Variants in KASH5 observed in about 807,000 individuals in gnomAD.
KASH5 encodes the protein protein KASH5.
KASH5 carries 72 observed loss-of-function variants against 84.2 expected under a neutral mutation model. That is an observed-to-expected ratio of 0.85 (90% CI 0.71 to 1.04). The LOEUF (loss-of-function observed/expected upper bound fraction) is 1.04, where lower values mean the gene tolerates loss of function less well. Ranked by LOEUF, KASH5 falls within the 50% of genes least tolerant of loss-of-function variation. The pLI, the probability that KASH5 is intolerant of heterozygous loss-of-function variation, is 0.00. For synonymous variants in KASH5, 260 were observed against 279.1 expected (o/e 0.93, Z 0.68); for missense variants, 650 against 701.0 (o/e 0.93, Z 0.82).
chr19:49,390,934 G>A lies in KASH5; in HGVS notation c.43+8G>A, dbSNP rs752026362. On this transcript the variant is annotated splice_region_variant and intron_variant, in intron 2 of 19. Coordinates refer to ENST00000447857, the MANE Select transcript of KASH5 (RefSeq NM_144688.5). Reference sequence around the variant, plus strand: ...GTGGCCCCACTGCGGAAAGTAAGTGGCTGGAACCCTATTTGCCCCGGGGAG... The same window carrying A: ...GTGGCCCCACTGCGGAAAGTAAGTGACTGGAACCCTATTTGCCCCGGGGAG... 2 of 1,606,112 alleles carry A rather than the reference G, an allele frequency of 1.2e-6. No homozygotes were observed. The highest frequency in any genetic ancestry group is 2.2e-5 in the South Asian group (2 of 90,086).
intron 9 of KASH5, among the ~76,000 whole-genome samples, chr19:49,403,783 A>G (rs1044969420): frequency 6.6e-6 from 1 of 152,244 alleles, no homozygotes; most frequent in African/African-American, 2.4e-5. Flanking sequence ...GCCTGCTGCC[A>G]GGTTGAGTGC....
rs1974841426 is a variant in KASH5, at chr19:49,414,737, C to A, written c.1329-214C>A. ...CCCGTCCGTGCTGCCTGGCCTCCCCCAGGCCCGTCCGTGCTGCCTGGCCTC... is the reference window on the plus strand; with the variant it reads ...CCCGTCCGTGCTGCCTGGCCTCCCCAAGGCCCGTCCGTGCTGCCTGGCCTC... On this transcript the variant is annotated intron_variant, in intron 16 of 19. Coordinates refer to ENST00000447857, the MANE Select transcript of KASH5 (RefSeq NM_144688.5). The surrounding 1 kb of genome is among the most constrained non-coding windows in gnomAD (Gnocchi z 4.5). Among the ~76,000 whole-genome samples the A allele has an allele frequency of 2.1e-5, 3 of 144,112 alleles. No homozygotes were observed. The South Asian group carries it at 6.7e-4, about 32-fold the overall frequency. The allele number at this position is 144,112 out of a possible 152,430, so 94.5% of individuals were successfully genotyped here.
At chr19:49,411,870 T>TGGAA (rs140833512) in intron 15 of KASH5, among the ~76,000 whole-genome samples, 81 of 135,822 alleles carry the variant, frequency 6.0e-4, no homozygotes, top group African/African-American at 1.7e-3. Flanking sequence ...GATACTTGAG[T>TGGAA]GGAAGGAAGG....
At chr19:49,397,354 C>T (rs1187599462) in intron 5 of KASH5, among the ~76,000 whole-genome samples, 4 of 152,128 alleles carry the variant, frequency 2.6e-5, no homozygotes, top group African/African-American at 9.6e-5. Context: ...GGAGCCAGGT[C>T]CGCCCAGTGG....
intron 9 of KASH5, among the ~76,000 whole-genome samples, chr19:49,401,787 G>A (rs955093841): frequency 2.0e-5 from 3 of 152,176 alleles, no homozygotes; most frequent in Non-Finnish European, 2.9e-5. Flanking sequence ...CATGTGCAGT[G>A]TTTTTTACAC....
rs1361542364 is a variant in KASH5 at position 49,416,550 on chromosome 19, AG to A, written c.1375-463del. Among the ~76,000 whole-genome samples the A allele has an allele frequency of 1.3e-5, 2 of 152,228 alleles. No individual in the cohort carries two copies. Among genetic ancestry groups the A allele is most frequent in the African/African-American group, 4.8e-5 (2 of 41,462 alleles). The stretch of plus-strand genomic sequence containing the variant: ...CCGATTCTGGCATAGGCAGGAAGAC[AG>A]GATTCTTCATGAGGCCCAGCACAGG... On this transcript the variant is annotated intron_variant, in intron 17 of 19. Transcript: ENST00000447857. This position sits in a 1 kb window ranked among gnomAD's most constrained non-coding sequence, Gnocchi z 5.4.
intron 9 of KASH5, among the ~76,000 whole-genome samples, chr19:49,402,112 C>T (rs978421317): frequency 6.6e-6 from 1 of 151,510 alleles, no homozygotes; most frequent in Non-Finnish European, 1.5e-5. Context: ...TGTGGTGGCA[C>T]ACACCTGTAA....
chr19:49,415,107 C>A, intron 17 of KASH5, 111 bp downstream of exon 17: 2 of 1,045,420 alleles, frequency 1.9e-6, no homozygotes, highest in Non-Finnish European at 2.9e-6. Flanking sequence ...TCCTCAGGAG[C>A]AGAGAGAAAA....
In KASH5 at chr19:49,397,923, A is replaced by AC; in HGVS notation, c.468-56dup. 5 of 1,575,548 alleles carry AC rather than the reference A, an allele frequency of 3.2e-6. No individual in the cohort carries two copies. In the South Asian group the frequency reaches 5.7e-5, roughly 18 times the overall value. On this transcript the variant is annotated intron_variant, in intron 6 of 19. Coordinates refer to ENST00000447857, the MANE Select transcript of KASH5 (RefSeq NM_144688.5). ...CTCCCCACCACCAGCACCTACCTCG[A>AC]CCCGGGGAAATGAGTCAGGGGCTGT...
chr19:49,409,379 C>G, intron 14 of KASH5, 96 bp downstream of exon 14: 1 of 1,284,796 alleles, frequency 7.8e-7, no homozygotes, highest in Non-Finnish European at 1.1e-6. Context: ...AGCCCTAACC[C>G]ACATTGCTGC....
chr19:49,406,782 C>A, intron 9 of KASH5, 104 bp from the exon 10 acceptor site: 1 of 981,218 alleles, frequency 1.0e-6, no homozygotes, highest in Non-Finnish European at 1.6e-6. Context: ...AAGTGCTTAG[C>A]ATGAGGCCTG....
chr19:49,417,113 G>A lies in KASH5; in HGVS notation c.1439+34G>A. ...ACCCACAGGGTCCAGGAGGGACACT[G>A]GGGCAAGGAAAAACCCAGTGGTGAT... On this transcript the variant is annotated intron_variant, in intron 18 of 19. Coordinates refer to ENST00000447857, the MANE Select transcript of KASH5 (RefSeq NM_144688.5). This position sits in a 1 kb window ranked among gnomAD's most constrained non-coding sequence, Gnocchi z 5.2. The A allele has an allele frequency of 1.3e-6, 2 of 1,597,762 alleles. No individual in the cohort carries two copies. The highest frequency in any genetic ancestry group is 2.2e-5 in the South Asian group (2 of 89,892).
rs199564198 is a variant in KASH5, at chr19:49,398,147, G to C, written c.629+4G>C. On this transcript the variant is annotated splice_donor_region_variant and intron_variant, in intron 7 of 19. Transcript: ENST00000447857. Reference sequence around the variant, plus strand: ...CTCTGCGTAAGCAGCTTCACAGGTGGGCTGGATGCCACACCCACCCTCCCC... The same window carrying C: ...CTCTGCGTAAGCAGCTTCACAGGTGCGCTGGATGCCACACCCACCCTCCCC... The C allele has an allele frequency of 6.4e-6, 10 of 1,564,668 alleles. No individual in the cohort carries two copies. The highest frequency in any genetic ancestry group is 8.7e-6 in the Non-Finnish European group (10 of 1,148,698).
At chr19:49,401,212 T>G (rs552199052) in intron 9 of KASH5, among the ~76,000 whole-genome samples, 1 of 152,290 alleles carries the variant, frequency 6.6e-6, no homozygotes, top group South Asian at 2.1e-4. Context: ...GGGAGGTGAT[T>G]TGGCTACTTT....
rs757514112 is a variant in KASH5 at position 49,406,992 on chromosome 19, T to C, written c.876+29T>C. The C allele has an allele frequency of 1.2e-5, 18 of 1,559,238 alleles. No individual in the cohort carries two copies. In the South Asian group the frequency reaches 2.0e-4, roughly 17 times the overall value. On this transcript the variant is annotated intron_variant, in intron 10 of 19. Transcript: ENST00000447857. ...CCACTCCTTCCTAGTGCCTGACAAC[T>C]TTCCACCACCCCGGGGCCATTTTTC...
chr19:49,412,823 A>C lies in KASH5; in HGVS notation c.1270-145A>C. 1 of 692,634 alleles carries C rather than the reference A, an allele frequency of 1.4e-6. No individual in the cohort carries two copies. The highest frequency in any genetic ancestry group is 2.5e-5 in the Admixed American group (1 of 40,664). 42.9% of individuals were successfully genotyped at this position (692,634 alleles called of 1,614,324 possible). A position where few individuals can be genotyped will look rare whatever the true frequency, so the allele number is the denominator to read the frequency against. Reference sequence around the variant, plus strand: ...GCACGAGAGGAGGGCAGGTTGTAGAAGGTGGTGAATTCATGTGTAGGTTGC... The same window carrying C: ...GCACGAGAGGAGGGCAGGTTGTAGACGGTGGTGAATTCATGTGTAGGTTGC... On this transcript the variant is annotated intron_variant, in intron 15 of 19. Coordinates refer to ENST00000447857, the MANE Select transcript of KASH5 (RefSeq NM_144688.5). This position sits in a 1 kb window ranked among gnomAD's most constrained non-coding sequence, Gnocchi z 4.6.
Position 49,407,299 on chromosome 19 carries a change from A to C in KASH5, c.933+3A>C. ...AAAGAGACACCATCCTCTCTGAGGT[A>C]AGGGGCCCCGGGAGGGAAAGAGATT... On this transcript the variant is annotated splice_donor_region_variant and intron_variant, in intron 11 of 19. Coordinates refer to ENST00000447857, the MANE Select transcript of KASH5 (RefSeq NM_144688.5). 1 of 1,613,642 alleles carries C rather than the reference A, an allele frequency of 6.2e-7. No individual in the cohort carries two copies. The highest frequency in any genetic ancestry group is 1.1e-5 in the South Asian group (1 of 91,070).
In KASH5 at chr19:49,398,002, T is replaced by C. The variant is rs1054045435; in HGVS notation, c.488T>C (p.Leu163Pro). The stretch of plus-strand genomic sequence containing the variant: ...CCTAGACAAGCCACAGCTGACCTGC[T>C]GAGCAGCCTGGAGGACCTGGAGCTC... ...RPELQATADLLSSLEDLELSN... is the reference protein window; with the variant it reads ...RPELQATADLPSSLEDLELSN... Residue 163 changes from leucine to proline, a missense_variant, in exon 7 of 20, where the codon CTG becomes CCG. Coordinates refer to ENST00000447857, the MANE Select transcript of KASH5 (RefSeq NM_144688.5). The C allele has an allele frequency of 3.7e-6, 6 of 1,613,816 alleles. No individual in the cohort carries two copies. In the African/African-American group the frequency reaches 8.0e-5, roughly 22 times the overall value.
chr19:49,397,304 A>G (rs907365517), intron 5 of KASH5, among the ~76,000 whole-genome samples: 1 of 151,776 alleles, frequency 6.6e-6, no homozygotes, highest in Non-Finnish European at 1.5e-5. Context: ...CAGGAGGGAG[A>G]AGTCTGGGCT....
Sources: allele counts gnomAD v4.1 joint callset (sites outside exome capture counted in the v4.1 genomes callset), GRCh38; gene constraint gnomAD v4.1.1; non-coding constraint Gnocchi (gnomAD v3.1); transcripts MANE v1.5; gene names NCBI Gene and HGNC (gene_info 2026-07-23, HGNC 2026-07-21).